Variants in MTMR8 observed in about 807,000 individuals in gnomAD.
MTMR8 encodes the protein myotubularin related protein 8, also known as phosphatidylinositol-3,5-bisphosphate 3-phosphatase MTMR8.
In MTMR8, 65 loss-of-function variants were observed where a neutral mutation model predicts 39.3. That is an observed-to-expected ratio of 1.65 (90% CI 1.35 to 2.03). MTMR8 has a LOEUF of 2.03. Among genes scored for constraint, MTMR8 ranks in the 30% most tolerant of loss-of-function variants. The pLI is 0.00. For synonymous variants in MTMR8, 245 were observed against 185.2 expected, an observed-to-expected ratio of 1.32 and a Z score of -2.62; for missense variants, 777 against 538.9, an observed-to-expected ratio of 1.44 and a Z score of -4.37.
At chrX:64,308,418 C>A (rs755173937) in intron 12 of MTMR8, among the ~76,000 whole-genome samples, 5 of 103,628 alleles carry the variant, frequency 4.8e-5, no homozygotes, top group African/African-American at 7.1e-5. Context: ...ATCCACTGGA[C>A]TCGGCCTCCC....
chrX:64,289,636 C>CAAAAA (rs749879321), intron 12 of MTMR8, among the ~76,000 whole-genome samples: 14 of 26,401 alleles, frequency 5.3e-4, no homozygotes, highest in Admixed American at 2.5e-3. Context: ...GACTCCATCG[C>CAAAAA]AAAAAAAAAA....
At chrX:64,317,173 G>A (rs1364837511) in intron 12 of MTMR8, among the ~76,000 whole-genome samples, 1 of 109,195 alleles carries the variant, frequency 9.2e-6, no homozygotes, top group Non-Finnish European at 1.9e-5. Flanking sequence ...GTATTTTCAT[G>A]TAACTTTATT....
At chrX:64,321,147 C>A (rs1265502070) in intron 12 of MTMR8, among the ~76,000 whole-genome samples, 1 of 110,982 alleles carries the variant, frequency 9.0e-6, no homozygotes, top group Non-Finnish European at 1.9e-5. Context: ...TCAACAACAA[C>A]AACAAAAAAT....
At chrX:64,308,180 G>T (rs1259393369) in intron 12 of MTMR8, among the ~76,000 whole-genome samples, 1 of 109,862 alleles carries the variant, frequency 9.1e-6, no homozygotes, top group Non-Finnish European at 1.9e-5. Context: ...AAGAGAATTA[G>T]CTAAGAATTC....
chrX:64,361,031 T>A (rs1264735169), intron 1 of MTMR8, among the ~76,000 whole-genome samples: 1 of 111,518 alleles, frequency 9.0e-6, no homozygotes. Context: ...ATAGGATAGA[T>A]CTTTGCTAAA....
chrX:64,375,728 G>A (rs753194019), intron 1 of MTMR8, among the ~76,000 whole-genome samples: 1 of 111,836 alleles, frequency 8.9e-6, no homozygotes, highest in Admixed American at 9.5e-5. Context: ...GCCCTCTCCA[G>A]ATACCAAATC....
chrX:64,376,502 G>A (rs1270032326), intron 1 of MTMR8, among the ~76,000 whole-genome samples: 3 of 112,108 alleles, frequency 2.7e-5, no homozygotes, highest in Non-Finnish European at 5.6e-5. Context: ...GGGATCTGTG[G>A]AACTCTGAAC....
rs760748130 is a variant in MTMR8, at chrX:64,277,277, T to C, written c.1482-6204A>G. Among the ~76,000 whole-genome samples the C allele has an allele frequency of 3.6e-5, 4 of 112,041 alleles. No individual in the cohort carries two copies. In the East Asian group the frequency reaches 8.4e-4, roughly 24 times the overall value. ...TTAATATTGTTATGTGTGAATTTGA[T>C]CCTGTCATTATGATGCTAGCTGGTT... On this transcript the variant is annotated intron_variant, in intron 12 of 13. Coordinates refer to ENST00000374852, the MANE Select transcript of MTMR8 (RefSeq NM_017677.4).
intron 12 of MTMR8, among the ~76,000 whole-genome samples, chrX:64,295,212 G>A (rs1351652213): frequency 9.2e-6 from 1 of 109,077 alleles, no homozygotes; most frequent in Non-Finnish European, 1.9e-5. Flanking sequence ...AAGTGCACCT[G>A]AATAAAACTT....
intron 1 of MTMR8, among the ~76,000 whole-genome samples, chrX:64,362,922 G>A (rs1047646793): frequency 9.1e-6 from 1 of 110,233 alleles, no homozygotes; most frequent in Non-Finnish European, 1.9e-5. Context: ...AATATATGAA[G>A]CATAAGAACA....
chrX:64,372,233 C>T (rs1406681137), intron 1 of MTMR8, among the ~76,000 whole-genome samples: 1 of 107,834 alleles, frequency 9.3e-6, no homozygotes, highest in African/African-American at 3.4e-5. Context: ...CAAAATTTAA[C>T]ATCTTACAAT....
intron 12 of MTMR8, among the ~76,000 whole-genome samples, chrX:64,325,399 A>G (rs1031594675): frequency 2.7e-5 from 3 of 111,945 alleles, no homozygotes; most frequent in Admixed American, 9.5e-5. Context: ...TCAACAAAAT[A>G]CTAGCAAACA....
chrX:64,362,471 G>GAAAA lies in MTMR8; in HGVS notation c.25-2948_25-2945dup, dbSNP rs760545171. 5.8e-3 allele frequency among the ~76,000 whole-genome samples: 32 copies of GAAAA among 5,494 alleles called. 5 individuals are homozygous for GAAAA. The highest frequency in any genetic ancestry group is 6.8e-3 in the African/African-American group (12 of 1,755). 4.8% of individuals were successfully genotyped at this position (5,494 alleles called of 115,157 possible). ...ACAAAAAACCTCTAGTACTATTGCA[G>GAAAA]AAAAAAAAAAAAAAAAAAAAAAAAA... is the stretch of plus-strand genomic sequence containing the variant. On this transcript the variant is annotated intron_variant, in intron 1 of 13. Coordinates refer to ENST00000374852, the MANE Select transcript of MTMR8 (RefSeq NM_017677.4).
chrX:64,349,051 T>G (rs954100293), intron 5 of MTMR8, among the ~76,000 whole-genome samples: 11 of 111,701 alleles, frequency 9.8e-5, no homozygotes, highest in African/African-American at 3.6e-4. Flanking sequence ...ATCATGAGTA[T>G]TTCCTTAGTG....
intron 7 of MTMR8, among the ~76,000 whole-genome samples, chrX:64,343,938 C>A (rs1396662712): frequency 9.0e-6 from 1 of 111,273 alleles, no homozygotes; most frequent in Non-Finnish European, 1.9e-5. Context: ...AGAACCCACT[C>A]TCAAGCCCTT....
intron 11 of MTMR8, among the ~76,000 whole-genome samples, chrX:64,329,830 G>A (rs932429502): frequency 2.7e-5 from 3 of 111,430 alleles, no homozygotes; most frequent in Non-Finnish European, 3.8e-5. Flanking sequence ...AAAATATTGC[G>A]TTGGTAAGGT....
rs374457780 is a variant in MTMR8 at position 64,345,071 on chromosome X, C to T, written c.839G>A (p.Arg280Gln). ...TTCCAAGAGTTTCTGCAGACTGCTC[C>T]GCATTACATGGATGTTCTCAATGCC... ...FMGIENIHVM[R>Q]SSLQKLLEVC... Residue 280 changes from arginine (R) to glutamine (Q), a missense_variant, in exon 7 of 14, where the codon CGG (arginine) becomes CAG (glutamine). Transcript: ENST00000374852. 115 of 1,209,540 alleles carry T rather than the reference C, an allele frequency of 9.5e-5. No individual in the cohort carries two copies. The highest frequency in any genetic ancestry group is 3.0e-4 in the East Asian group (10 of 33,742).
At chrX:64,297,576 T>C (rs1219806171) in intron 12 of MTMR8, among the ~76,000 whole-genome samples, 1 of 89,829 alleles carries the variant, frequency 1.1e-5, no homozygotes. Flanking sequence ...GCAGAAGCTC[T>C]TTAGTTTAAT....
Position 64,305,378 on chromosome X carries a change from G to T in MTMR8, c.1481+23394C>A, listed in dbSNP as rs1922073315. On this transcript the variant is annotated intron_variant, in intron 12 of 13. Transcript: ENST00000374852. Reference sequence around the variant, plus strand: ...TGCCAATATCCCCCTTATCCAAAAGGTTTATTATTCTTGGTACAATATTGG... The same window carrying T: ...TGCCAATATCCCCCTTATCCAAAAGTTTTATTATTCTTGGTACAATATTGG... 3.1e-5 allele frequency: 7 copies of T among 226,065 alleles called. No individual in the cohort carries two copies. The Admixed American group carries it at 4.1e-4, about 13-fold the overall frequency. 18.6% of individuals were successfully genotyped at this position (226,065 alleles called of 1,213,427 possible).
Sources: allele counts gnomAD v4.1 joint callset (sites outside exome capture counted in the v4.1 genomes callset), GRCh38; gene constraint gnomAD v4.1.1; transcripts MANE v1.5; gene names NCBI Gene and HGNC (gene_info 2026-07-23, HGNC 2026-07-21).